The following EBF1 variants were observed in gnomAD, a reference collection of about 807,000 sequenced individuals.
The protein encoded by EBF1 is transcription factor COE1.
A neutral mutation model predicts 68.4 loss-of-function variants in EBF1; 10 were observed. The ratio of observed to expected loss-of-function variants is 0.15; its 90% CI spans 0.09 to 0.25. EBF1 has a LOEUF of 0.25. EBF1 is among the 10% of genes least tolerant of loss of function. EBF1 has a pLI of 1.00. For missense variants in EBF1, 509 were observed against 794.4 expected, an observed-to-expected ratio of 0.64 and a Z score of 4.32; for synonymous variants, 298 against 299.8, an observed-to-expected ratio of 0.99 and a Z score of 0.06.
chr5:158,933,469 G>A (rs147911031), intron 6 of EBF1, among the ~76,000 whole-genome samples: 1 of 152,300 alleles, frequency 6.6e-6, no homozygotes, highest in East Asian at 1.9e-4. Flanking sequence ...ATTTATGTGG[G>A]CTTTGGAGAT....
chr5:158,712,396 C>T, intron 13 of EBF1, 63 bp from the exon 14 acceptor site: 2 of 1,572,356 alleles, frequency 1.3e-6, no homozygotes, highest in South Asian at 2.3e-5. Flanking sequence ...TCCTGGAAGA[C>T]TCGGGGAAAG....
chr5:158,926,739 AAAG>A (rs1809787880), intron 6 of EBF1, among the ~76,000 whole-genome samples: 1 of 151,846 alleles, frequency 6.6e-6, no homozygotes, highest in African/African-American at 2.4e-5. Context: ...AAAAAAAAAA[AAAG>A]AAAAGAAAAA....
intron 6 of EBF1, among the ~76,000 whole-genome samples, chr5:158,924,651 G>T (rs1259720153): frequency 6.6e-6 from 1 of 151,970 alleles, no homozygotes. Context: ...ACGAGATCGA[G>T]ACCATACTGG....
intron 6 of EBF1, among the ~76,000 whole-genome samples, chr5:159,052,453 C>A (rs1168509439): frequency 6.6e-6 from 1 of 152,096 alleles, no homozygotes; most frequent in Non-Finnish European, 1.5e-5. Context: ...TCCCCGAAGT[C>A]TGCTCTGTGG....
At chr5:158,787,165 T>C (rs1777620845) in intron 9 of EBF1, among the ~76,000 whole-genome samples, 1 of 152,238 alleles carries the variant, frequency 6.6e-6, no homozygotes, top group African/African-American at 2.4e-5. Context: ...TCTTTCAAGG[T>C]TGCCTTATAT....
intron 8 of EBF1, among the ~76,000 whole-genome samples, chr5:158,812,358 G>A (rs1782828056): frequency 6.6e-6 from 1 of 152,094 alleles, no homozygotes; most frequent in Non-Finnish European, 1.5e-5. Context: ...TTGACAACTG[G>A]TGGCTACGTG....
chr5:158,713,202 T>C lies in EBF1; in HGVS notation c.1192-55A>G, dbSNP rs938204362. On this transcript the variant is annotated intron_variant, in intron 12 of 15. Coordinates refer to ENST00000313708, the MANE Select transcript of EBF1 (RefSeq NM_024007.5). ...CTGCCCCCAGTCATATTCCCAATAA[T>C]ACCATTTTTTCGGTGCCAGGTACCG... The C allele has an allele frequency of 2.3e-6, 3 of 1,313,266 alleles. No homozygotes were observed. In the African/African-American group the frequency reaches 4.5e-5, roughly 20 times the overall value. 81.4% of individuals were successfully genotyped at this position (1,313,266 alleles called of 1,614,324 possible). A position where few individuals can be genotyped will look rare whatever the true frequency, so the allele number is the denominator to read the frequency against.
intron 6 of EBF1, among the ~76,000 whole-genome samples, chr5:158,917,436 C>A (rs1399753852): frequency 2.0e-5 from 3 of 152,184 alleles, no homozygotes; most frequent in African/African-American, 7.2e-5. Flanking sequence ...CAACACAGAC[C>A]TACCTGGATA....
chr5:158,784,921 G>A (rs1016202301), intron 9 of EBF1, among the ~76,000 whole-genome samples: 1 of 152,074 alleles, frequency 6.6e-6, no homozygotes, highest in Non-Finnish European at 1.5e-5. Context: ...ATCTTATACT[G>A]CACCAGCTCC....
chr5:158,836,965 A>T (rs1372680291), intron 7 of EBF1, among the ~76,000 whole-genome samples: 3 of 152,198 alleles, frequency 2.0e-5, no homozygotes, highest in Non-Finnish European at 2.9e-5. Context: ...CAGATAAATC[A>T]TATTTATTTG....
intron 6 of EBF1, among the ~76,000 whole-genome samples, chr5:158,949,893 G>A (rs797005640): frequency 2.0e-5 from 3 of 152,122 alleles, no homozygotes; most frequent in East Asian, 1.9e-4. Flanking sequence ...GGTAACCACC[G>A]CTCCCTAGCT....
At chr5:158,784,155 T>C (rs968216722) in intron 9 of EBF1, among the ~76,000 whole-genome samples, 2 of 152,214 alleles carry the variant, frequency 1.3e-5, no homozygotes, top group Admixed American at 1.3e-4. Flanking sequence ...CTTTCAGTGA[T>C]TTACATCCTG....
At chr5:158,737,307 G>C (rs1302596394) in intron 10 of EBF1, among the ~76,000 whole-genome samples, 7 of 98,954 alleles carry the variant, frequency 7.1e-5, no homozygotes, top group Admixed American at 4.3e-4. Context: ...TTTTTGAGAC[G>C]GAGTCTCGCT....
At chr5:158,737,013 T>C (rs1014525643) in intron 10 of EBF1, among the ~76,000 whole-genome samples, 4 of 152,174 alleles carry the variant, frequency 2.6e-5, no homozygotes, top group African/African-American at 9.7e-5. Context: ...GTGGGAGTGA[T>C]ACACTTCCTA....
At chr5:158,894,345 T>A (rs1375014510) in intron 6 of EBF1, among the ~76,000 whole-genome samples, 1 of 152,106 alleles carries the variant, frequency 6.6e-6, no homozygotes, top group Non-Finnish European at 1.5e-5. Flanking sequence ...TTTCTTTGGT[T>A]CTTAAAAATC....
intron 10 of EBF1, among the ~76,000 whole-genome samples, chr5:158,737,985 C>A (rs991872063): frequency 6.6e-6 from 1 of 152,038 alleles, no homozygotes; most frequent in Non-Finnish European, 1.5e-5. Flanking sequence ...AATGAAATCA[C>A]CTTACTGTTT....
chr5:158,946,270 T>G (rs1046774737), intron 6 of EBF1, among the ~76,000 whole-genome samples: 5 of 152,164 alleles, frequency 3.3e-5, no homozygotes, highest in Non-Finnish European at 7.3e-5. Context: ...GGCATCCCGG[T>G]TTTTGGCATT....
intron 8 of EBF1, among the ~76,000 whole-genome samples, chr5:158,814,901 G>A (rs530757145): frequency 4.3e-4 from 65 of 152,134 alleles, no homozygotes; most frequent in African/African-American, 1.4e-3. Flanking sequence ...TTTCCTTCAG[G>A]TTTCTGAAGG....
At chr5:158,935,919 T>A (rs1255190822) in intron 6 of EBF1, among the ~76,000 whole-genome samples, 1 of 152,246 alleles carries the variant, frequency 6.6e-6, no homozygotes, top group South Asian at 2.1e-4. Flanking sequence ...TATTCAGCTA[T>A]CTTTGCACTG....
Sources: gnomAD v4.1 joint callset for allele counts (sites outside exome capture counted in the v4.1 genomes callset) on GRCh38, gnomAD v4.1.1 for gene constraint, MANE v1.5 for transcripts, NCBI Gene and HGNC (gene_info 2026-07-23, HGNC 2026-07-21) for gene names.